Variants in FGD4 observed in about 807,000 individuals in gnomAD.
The protein encoded by FGD4 is FYVE, RhoGEF and PH domain containing 4.
In FGD4, 42 loss-of-function variants were observed where a neutral mutation model predicts 102.0. That is an observed-to-expected ratio of 0.41 (90% confidence interval 0.32 to 0.53). The LOEUF (loss-of-function observed/expected upper bound fraction) is 0.53, where lower values mean the gene tolerates loss of function less well. Among genes scored for constraint, FGD4 ranks in the 20% least tolerant of loss-of-function variants. The pLI is 0.21. For missense variants in FGD4, 902 were observed against 1,078.2 expected (o/e 0.84, Z 2.29); for synonymous variants, 380 against 375.7 (o/e 1.01, Z -0.13).
At chr12:32,631,609 ATTC>A (rs1290139516) in intron 14 of FGD4, among the ~76,000 whole-genome samples, 1 of 151,344 alleles carries the variant, frequency 6.6e-6, no homozygotes. Context: ...GGTTCAAGCA[ATTC>A]TTCTGCCTCA....
chr12:32,585,698 G>C (rs1004298327), intron 4 of FGD4, among the ~76,000 whole-genome samples: 4 of 151,902 alleles, frequency 2.6e-5, no homozygotes, highest in African/African-American at 9.7e-5. Flanking sequence ...GCTGGGTGCG[G>C]TGGCACTTGC....
At chr12:32,599,662 C>G (rs557153915) in intron 5 of FGD4, among the ~76,000 whole-genome samples, 2 of 143,272 alleles carry the variant, frequency 1.4e-5, no homozygotes, top group South Asian at 4.6e-4. Flanking sequence ...ATTCTCCTGC[C>G]TCAGCCTCCC....
chr12:32,633,541 A>C lies in FGD4; in HGVS notation c.2173-8A>C. ...ATGATTACTGTTCATTTTTCTTTTA[A>C]ATTTAAGGTGGTTTGTTGGAAATGC... On this transcript the variant is annotated splice_polypyrimidine_tract_variant and splice_region_variant and intron_variant, in intron 14 of 16. Transcript: ENST00000534526. The C allele has an allele frequency of 6.2e-7, 1 of 1,612,118 alleles. No individual in the cohort carries two copies. The highest frequency in any genetic ancestry group is 8.5e-7 in the Non-Finnish European group (1 of 1,178,834).
In FGD4 at chr12:32,608,588, T is replaced by C. The variant is rs12308638; in HGVS notation, c.1543+493T>C. On this transcript the variant is annotated intron_variant, in intron 8 of 16. Transcript: ENST00000534526. Reference sequence around the variant, plus strand: ...CCAATAACATTTTCTTCAAGAAAAATGTATTTCAATTATGTTAGATGTCTT... The same window carrying C: ...CCAATAACATTTTCTTCAAGAAAAACGTATTTCAATTATGTTAGATGTCTT... Among the ~76,000 whole-genome samples, 1,214 of 152,308 alleles carry C rather than the reference T, an allele frequency of 8.0e-3. 18 individuals carry two copies. Among genetic ancestry groups the C allele is most frequent in the African/African-American group, 0.026 (1,088 of 41,578 alleles).
At chr12:32,411,474 C>A (rs552749271) in intron 1 of FGD4, among the ~76,000 whole-genome samples, 20 of 151,962 alleles carry the variant, frequency 1.3e-4, no homozygotes, top group Non-Finnish European at 2.2e-4. Flanking sequence ...GCAGAGGTTG[C>A]GGTGAGGCGA....
Position 32,560,377 on chromosome 12 carries a change from A to G in FGD4, c.167-3760A>G, listed in dbSNP as rs116761766. 3.6e-3 allele frequency among the ~76,000 whole-genome samples: 546 copies of G among 152,134 alleles called. 6 individuals carry two copies. The highest frequency in any genetic ancestry group is 0.013 in the African/African-American group (520 of 41,496). ...AGCCATCCTCGCACCTCGGCCTTCT[A>G]AGTAGCTGGGACTACAGATGTATGC... On this transcript the variant is annotated intron_variant, in intron 1 of 16. Coordinates refer to ENST00000534526, the MANE Select transcript of FGD4 (RefSeq NM_001370298.3).
At chr12:32,454,456 G>T (rs948325566) in intron 1 of FGD4, among the ~76,000 whole-genome samples, 1 of 152,154 alleles carries the variant, frequency 6.6e-6, no homozygotes, top group African/African-American at 2.4e-5. Flanking sequence ...ATAGCAAAGA[G>T]AATTTTTTAA....
At chr12:32,452,856 G>T (rs943421265) in intron 1 of FGD4, among the ~76,000 whole-genome samples, 3 of 151,902 alleles carry the variant, frequency 2.0e-5, no homozygotes, top group African/African-American at 7.3e-5. Flanking sequence ...GGGCATGGTG[G>T]TGCATGCCTC....
chr12:32,636,934 G>A (rs151094822), intron 15 of FGD4, among the ~76,000 whole-genome samples: 2,952 of 148,376 alleles, frequency 0.02, 44 homozygotes, highest in Middle Eastern at 0.11. Context: ...GCAGTGGTGC[G>A]ATCTCAGCTC....
Position 32,633,588 on chromosome 12 carries a change from G to T in FGD4, c.2212G>T (p.Glu738Ter), listed in dbSNP as rs762570510. The change falls in exon 15 of 17, where the codon GAA (glutamate) becomes TAA (stop). Residue 738 changes from glutamate (E) to a stop codon, truncating the protein, a stop_gained. Coordinates refer to ENST00000534526, the MANE Select transcript of FGD4 (RefSeq NM_001370298.3). LOFTEE classifies it high-confidence loss of function. The stretch of plus-strand genomic sequence containing the variant: ...ATGCTCCGACTACAAAGCTCAACTT[G>T]AATATGATGGTGGTAAATTGAGCAA... ...WKCSDYKAQLEYDGGKLSKVC... is the reference protein window; with the variant it reads ...WKCSDYKAQL 12 of 1,613,852 alleles carry T rather than the reference G, an allele frequency of 7.4e-6. No individual in the cohort carries two copies. Among genetic ancestry groups the T allele is most frequent in the Non-Finnish European group, 1.0e-5 (12 of 1,179,876 alleles).
intron 1 of FGD4, among the ~76,000 whole-genome samples, chr12:32,521,196 G>A (rs761957757): frequency 8.6e-5 from 13 of 151,856 alleles, no homozygotes; most frequent in African/African-American, 1.7e-4. Flanking sequence ...AGACCATCCT[G>A]GCCAACGTGG....
chr12:32,607,430 A>G (rs1948848881), intron 7 of FGD4, among the ~76,000 whole-genome samples: 1 of 152,184 alleles, frequency 6.6e-6, no homozygotes, highest in Non-Finnish European at 1.5e-5. Context: ...TCAAAAAAAG[A>G]AGAAAAAAAT....
chr12:32,563,952 T>C (rs1592237424), intron 1 of FGD4, among the ~76,000 whole-genome samples, 185 bp from the exon 2 acceptor site: 1 of 144,468 alleles, frequency 6.9e-6, no homozygotes, highest in South Asian at 2.1e-4. Context: ...ATGGCAGCAG[T>C]ACAGTCCAGC....
chr12:32,526,969 C>T (rs899226385), intron 1 of FGD4, among the ~76,000 whole-genome samples: 9 of 152,016 alleles, frequency 5.9e-5, no homozygotes, highest in African/African-American at 2.2e-4. Context: ...TCCATATTCT[C>T]CCAGCTAACA....
At position 32,513,855 on chromosome 12, in the gene FGD4, G is replaced by A. The variant is rs143612771; in HGVS notation, c.167-50282G>A. Reference sequence around the variant, plus strand: ...GAACTGCAGTAAATACCTCATCACCGGTTTATAATAACTGGTTTAAATGTA... The same window carrying A: ...GAACTGCAGTAAATACCTCATCACCAGTTTATAATAACTGGTTTAAATGTA... On this transcript the variant is annotated intron_variant, in intron 1 of 16. Coordinates refer to ENST00000534526, the MANE Select transcript of FGD4 (RefSeq NM_001370298.3). 3.6e-3 allele frequency among the ~76,000 whole-genome samples: 548 copies of A among 152,144 alleles called. 3 individuals carry two copies. The highest frequency in any genetic ancestry group is 0.013 in the African/African-American group (524 of 41,502).
rs928250876 is a variant in FGD4 at position 32,643,432 on chromosome 12, G to A, written c.*2899G>A. ...AGAGTATAAGGAAGGGAAATGGGAA[G>A]GGGCATCATTCCTTGGATTTTAAAT... is the stretch of plus-strand genomic sequence containing the variant. On this transcript the variant is annotated 3_prime_UTR_variant, in exon 17 of 17. Coordinates refer to ENST00000534526, the MANE Select transcript of FGD4 (RefSeq NM_001370298.3). 4 of 151,592 alleles carry A rather than the reference G, an allele frequency of 2.6e-5. No individual in the cohort carries two copies. Among genetic ancestry groups the A allele is most frequent in the Admixed American group, 2.0e-4 (3 of 15,130 alleles). 9.4% of individuals were successfully genotyped at this position (151,592 alleles called of 1,614,324 possible). A position where few individuals can be genotyped will look rare whatever the true frequency, so the allele number is the denominator to read the frequency against.
chr12:32,565,891 T>C (rs1472808581), intron 2 of FGD4, among the ~76,000 whole-genome samples: 2 of 152,242 alleles, frequency 1.3e-5, no homozygotes, highest in Non-Finnish European at 2.9e-5. Flanking sequence ...TTTATACTTC[T>C]TTTTCAAAAT....
At chr12:32,553,871 G>A (rs977344651) in intron 1 of FGD4, among the ~76,000 whole-genome samples, 4 of 152,210 alleles carry the variant, frequency 2.6e-5, no homozygotes, top group South Asian at 2.1e-4. Context: ...TTGGGAGGCT[G>A]AGGCAGGAGG....
At chr12:32,429,738 G>A (rs907213717) in intron 1 of FGD4, among the ~76,000 whole-genome samples, 1 of 152,210 alleles carries the variant, frequency 6.6e-6, no homozygotes, top group Non-Finnish European at 1.5e-5. Context: ...GAAATCTAGA[G>A]AGGCAGTCTG....
Sources: gnomAD v4.1 joint callset for allele counts (sites outside exome capture counted in the v4.1 genomes callset) on GRCh38, gnomAD v4.1.1 for gene constraint, MANE v1.5 for transcripts, NCBI Gene and HGNC (gene_info 2026-07-23, HGNC 2026-07-21) for gene names.